AHCYL2: variants seen among roughly 807,000 people sequenced by gnomAD.
The protein encoded by AHCYL2 is adenosylhomocysteinase like 2, also known as S-adenosylhomocysteine hydrolase-like protein 2.
A neutral mutation model predicts 81.4 loss-of-function variants in AHCYL2; 28 were observed. The observed-to-expected ratio is 0.34, with a 90% CI of 0.25 to 0.47. The LOEUF (loss-of-function observed/expected upper bound fraction) is 0.47. Ranked by LOEUF, AHCYL2 falls within the 20% of genes least tolerant of loss-of-function variation. The pLI is 1.00. For synonymous variants in AHCYL2, 272 were observed against 290.2 expected (o/e 0.94, Z 0.64); for missense variants, 551 against 785.1 (o/e 0.70, Z 3.56).
chr7:129,378,742 T>A (rs974851581), intron 1 of AHCYL2, among the ~76,000 whole-genome samples: 2 of 152,222 alleles, frequency 1.3e-5, no homozygotes, highest in Non-Finnish European at 2.9e-5. Flanking sequence ...AATTTTCTCA[T>A]CTAGATATGT....
intron 1 of AHCYL2, among the ~76,000 whole-genome samples, chr7:129,378,418 A>G (rs1009114310): frequency 6.6e-6 from 1 of 152,178 alleles, no homozygotes; most frequent in Non-Finnish European, 1.5e-5. Context: ...AGAGCATTGA[A>G]CCGTAGGGGT....
intron 1 of AHCYL2, among the ~76,000 whole-genome samples, chr7:129,240,192 G>A (rs1794801019): frequency 1.3e-5 from 2 of 151,718 alleles, no homozygotes; most frequent in African/African-American, 4.9e-5. Flanking sequence ...TCCAGCCTGG[G>A]CAACATGAGC....
At chr7:129,268,749 A>G (rs1053022871) in intron 1 of AHCYL2, among the ~76,000 whole-genome samples, 2 of 152,202 alleles carry the variant, frequency 1.3e-5, no homozygotes, top group African/African-American at 4.8e-5. Flanking sequence ...TGGTGGGCTG[A>G]ATTTCTCTTT....
intron 1 of AHCYL2, among the ~76,000 whole-genome samples, chr7:129,371,926 C>T (rs1471515676): frequency 6.6e-6 from 1 of 152,176 alleles, no homozygotes; most frequent in Non-Finnish European, 1.5e-5. Context: ...ACCATATCTA[C>T]TTGGAAGTAG....
At chr7:129,285,640 T>G (rs901138581) in intron 1 of AHCYL2, among the ~76,000 whole-genome samples, 1 of 152,164 alleles carries the variant, frequency 6.6e-6, no homozygotes, top group Non-Finnish European at 1.5e-5. Context: ...ATTAAAGTTC[T>G]TCATGTCCTT....
chr7:129,411,585 C>T (rs1013280658), intron 11 of AHCYL2, among the ~76,000 whole-genome samples: 1 of 150,960 alleles, frequency 6.6e-6, no homozygotes, highest in Non-Finnish European at 1.5e-5. Flanking sequence ...CATGGTGAAA[C>T]CCCGTCTCTA....
rs1393543055 is a variant in AHCYL2, at chr7:129,419,919, G to C, written c.1462-2921G>C. Among the ~76,000 whole-genome samples, 1 of 152,160 alleles carries C rather than the reference G, an allele frequency of 6.6e-6. No individual in the cohort carries two copies. Among genetic ancestry groups the C allele is most frequent in the African/African-American group, 2.4e-5 (1 of 41,430 alleles). ...TATAGGTCCACAGCAAAGACAACTGGATGTTTTTAAGAGAGATTCTTGTCA... is the reference window on the plus strand; with the variant it reads ...TATAGGTCCACAGCAAAGACAACTGCATGTTTTTAAGAGAGATTCTTGTCA... On this transcript the variant is annotated intron_variant, in intron 12 of 16. Transcript: ENST00000325006. The surrounding 1 kb of genome is among the most constrained non-coding windows in gnomAD (Gnocchi z 4.7).
intron 1 of AHCYL2, among the ~76,000 whole-genome samples, chr7:129,296,902 G>A (rs1431584834): frequency 6.6e-6 from 1 of 152,156 alleles, no homozygotes; most frequent in Non-Finnish European, 1.5e-5. Flanking sequence ...TACTCAAATG[G>A]TTTCTGAAAA....
chr7:129,243,695 C>T (rs1289890205), intron 1 of AHCYL2, among the ~76,000 whole-genome samples: 3 of 152,116 alleles, frequency 2.0e-5, no homozygotes, highest in African/African-American at 4.8e-5. Flanking sequence ...CATTCTCCTG[C>T]CTCAGCCTCC....
chr7:129,299,366 CTTGTTTTTTTTTT>C (rs1563186616), intron 1 of AHCYL2, among the ~76,000 whole-genome samples: 1 of 83,732 alleles, frequency 1.2e-5, no homozygotes, highest in African/African-American at 4.5e-5. Flanking sequence ...GAGAGTCCAA[CTTGTTTTTTTTTT>C]TTTTTTTTTT....
At chr7:129,380,725 G>C (rs139811005) in intron 2 of AHCYL2, among the ~76,000 whole-genome samples, 2 of 152,020 alleles carry the variant, frequency 1.3e-5, no homozygotes, top group African/African-American at 4.8e-5. Flanking sequence ...ACAGAATCTT[G>C]TACTACCTTT....
intron 4 of AHCYL2, among the ~76,000 whole-genome samples, chr7:129,394,898 A>G (rs1584875239): frequency 1.3e-5 from 2 of 152,356 alleles, no homozygotes; most frequent in South Asian, 4.1e-4. Flanking sequence ...ATATAAATAA[A>G]TAACATAAAC....
At chr7:129,299,359 A>C (rs1797168455) in intron 1 of AHCYL2, among the ~76,000 whole-genome samples, 1 of 108,756 alleles carries the variant, frequency 9.2e-6, no homozygotes, top group Non-Finnish European at 1.8e-5. Context: ...GAGGTGGGAG[A>C]GTCCAACTTG....
intron 1 of AHCYL2, among the ~76,000 whole-genome samples, chr7:129,256,899 C>G (rs929518515): frequency 2.0e-5 from 3 of 151,746 alleles, no homozygotes; most frequent in Non-Finnish European, 4.4e-5. Context: ...AAAACTGATT[C>G]TACAAACCGA....
At chr7:129,349,580 AAGCGGAGGTTGT>A (rs1427160144) in intron 1 of AHCYL2, among the ~76,000 whole-genome samples, 1 of 149,470 alleles carries the variant, frequency 6.7e-6, no homozygotes, top group Non-Finnish European at 1.5e-5. Context: ...TGAACCCGGG[AAGCGGAGGTTGT>A]AGTGAGCTGA....
At chr7:129,384,771 T>C (rs1332943571) in intron 2 of AHCYL2, among the ~76,000 whole-genome samples, 1 of 152,188 alleles carries the variant, frequency 6.6e-6, no homozygotes, top group East Asian at 1.9e-4. Context: ...TATAGACTTT[T>C]CTTAATTTTC....
At chr7:129,286,075 G>A (rs897296595) in intron 1 of AHCYL2, among the ~76,000 whole-genome samples, 5 of 152,084 alleles carry the variant, frequency 3.3e-5, no homozygotes, top group Non-Finnish European at 7.4e-5. Context: ...AGAAATTTTA[G>A]TTATATCAAA....
At chr7:129,369,910 C>T (rs1794299971) in intron 1 of AHCYL2, among the ~76,000 whole-genome samples, 1 of 152,036 alleles carries the variant, frequency 6.6e-6, no homozygotes, top group Non-Finnish European at 1.5e-5. Flanking sequence ...CAAGCTTATT[C>T]CAAGTAACAT....
At chr7:129,342,347 G>T (rs113848562) in intron 1 of AHCYL2, among the ~76,000 whole-genome samples, 1 of 152,276 alleles carries the variant, frequency 6.6e-6, no homozygotes, top group African/African-American at 2.4e-5. Flanking sequence ...ACTCAGTTTT[G>T]ATCCTAAGTG....
Sources: gnomAD v4.1 joint callset for allele counts (sites outside exome capture counted in the v4.1 genomes callset) on GRCh38, gnomAD v4.1.1 for gene constraint, Gnocchi (gnomAD v3.1) non-coding constraint, MANE v1.5 for transcripts, NCBI Gene and HGNC (gene_info 2026-07-23, HGNC 2026-07-21) for gene names.